The following GTPBP6 variants were observed in gnomAD, a reference collection of about 807,000 sequenced individuals.
GTPBP6 encodes putative GTP-binding protein 6.
A neutral mutation model predicts 28.9 loss-of-function variants in GTPBP6; 33 were observed. The observed-to-expected ratio is 1.14, with a 90% CI of 0.87 to 1.53. GTPBP6 has a LOEUF of 1.53. Ranked by LOEUF, GTPBP6 falls within the 40% of genes most tolerant of loss-of-function variation. The probability of loss-of-function intolerance (pLI) is 0.00; values close to 1 mark genes in which losing one functional copy is unlikely to be tolerated. For missense variants in GTPBP6, 507 were observed against 408.3 expected, an observed-to-expected ratio of 1.24 and a Z score of -2.08; for synonymous variants, 231 against 192.7, an observed-to-expected ratio of 1.20 and a Z score of -1.65.
At chrX:314,300 C>G in intron 4 of GTPBP6, 83 bp from the exon 5 acceptor site, 1 of 1,147,122 alleles carries the variant, frequency 8.7e-7, no homozygotes, top group Non-Finnish European at 1.3e-6. Flanking sequence ...GAAGGGGGCA[C>G]TGAGCTGGGC....
chrX:317,545 C>T (rs1465100986), intron 1 of GTPBP6, among the ~76,000 whole-genome samples: 1 of 110,162 alleles, frequency 9.1e-6, no homozygotes, highest in African/African-American at 5.2e-5. Flanking sequence ...TATTCATTTG[C>T]ATTTCCTCCT....
chrX:316,425 C>G (rs1219535879), intron 2 of GTPBP6, among the ~76,000 whole-genome samples: 3 of 151,982 alleles, frequency 2.0e-5, no homozygotes, highest in African/African-American at 7.2e-5. Context: ...AGCTGACCCC[C>G]ACCTGGGCAG....
intron 9 of GTPBP6, among the ~76,000 whole-genome samples, chrX:305,656 C>T (rs1401374964): frequency 2.1e-5 from 3 of 145,718 alleles, no homozygotes; most frequent in South Asian, 2.2e-4. Context: ...GACAGAGTCT[C>T]GCTCTGTCGC....
chrX:311,863 G>T (rs893482278), intron 6 of GTPBP6: 6 of 599,316 alleles, frequency 1.0e-5, no homozygotes, highest in African/African-American at 9.9e-5. Flanking sequence ...GGAGATGGTG[G>T]TGTGGACGGG....
chrX:305,076 A>G (rs371491296), exon 10 of GTPBP6: 153 of 1,612,940 alleles, frequency 9.5e-5, no homozygotes, highest in Middle Eastern at 3.3e-4. Context: ...GCGTCCGTTC[A>G]TCCTGGAAAG....
chrX:315,537 A>G (rs2070414252), intron 2 of GTPBP6, among the ~76,000 whole-genome samples: 1 of 115,502 alleles, frequency 8.7e-6, no homozygotes, highest in Non-Finnish European at 2.0e-5. Flanking sequence ...CAGGGACACA[A>G]ACACATACAC....
Position 311,854 on chromosome X carries a change from G to GC in GTPBP6, c.917-228_917-227insG. 1.2e-5 allele frequency: 7 copies of GC among 605,112 alleles called. No individual in the cohort carries two copies. In the Admixed American group the frequency reaches 1.4e-4, roughly 12 times the overall value. 37.5% of individuals were successfully genotyped at this position (605,112 alleles called of 1,614,324 possible). On this transcript the variant is annotated intron_variant, in intron 6 of 9. Coordinates refer to ENST00000326153, the Ensembl canonical transcript of GTPBP6. ...GCGGGGCCGCCGTGCGGACACGGGG[G>GC]AGATGGTGGTGTGGACGGGTGTGCG...
Position 314,134 on chromosome X carries a change from G to A in GTPBP6, c.757+16C>T, listed in dbSNP as rs766964661. ...TTCCGAGGACCCTCTGGGACGCCGCGCCCGGCCCGAGTTACCTGACCCCAT... is the reference window on the plus strand; with the variant it reads ...TTCCGAGGACCCTCTGGGACGCCGCACCCGGCCCGAGTTACCTGACCCCAT... On this transcript the variant is annotated intron_variant, in intron 5 of 9. Transcript: ENST00000326153. 8.0e-5 allele frequency: 128 copies of A among 1,604,824 alleles called. No homozygotes were observed. The highest frequency in any genetic ancestry group is 6.8e-4 in the South Asian group (62 of 90,814).
At chrX:311,671 C>A (rs746430693) in intron 6 of GTPBP6, 44 bp from the exon 7 acceptor site, 1 of 1,479,828 alleles carries the variant, frequency 6.8e-7, no homozygotes, top group South Asian at 1.1e-5. Flanking sequence ...ATCCCTGCGT[C>A]CCAACTCCTA....
intron 7 of GTPBP6, among the ~76,000 whole-genome samples, 186 bp downstream of exon 7, chrX:311,233 T>G (rs754919696): frequency 0.038 from 3,116 of 81,300 alleles, 285 homozygotes; most frequent in African/African-American, 0.13. Flanking sequence ...TGTGTCTGAG[T>G]GCCTGGTCCC....
rs780736368 is a variant in GTPBP6, at chrX:314,260, C to G, written c.690-43G>C. On this transcript the variant is annotated intron_variant, in intron 4 of 9. Coordinates refer to ENST00000326153, the Ensembl canonical transcript of GTPBP6. The stretch of plus-strand genomic sequence containing the variant: ...GTGGCTCGGTCTCTGCGGACGCTGT[C>G]TCCCTCCCGGCAGAGGTCGAGGTGA... The G allele has an allele frequency of 7.9e-6, 12 of 1,518,502 alleles. No individual in the cohort carries two copies. In the Admixed American group the frequency reaches 1.2e-4, roughly 15 times the overall value. 94.1% of individuals were successfully genotyped at this position (1,518,502 alleles called of 1,614,324 possible).
At chrX:307,087 A>C (rs1358925490) in intron 9 of GTPBP6, among the ~76,000 whole-genome samples, 2 of 151,774 alleles carry the variant, frequency 1.3e-5, no homozygotes, top group African/African-American at 4.9e-5. Flanking sequence ...CGTTGTATGC[A>C]GTCAGAAATG....
chrX:308,338 AAAAT>A (rs2070216455), intron 7 of GTPBP6, among the ~76,000 whole-genome samples: 1 of 152,204 alleles, frequency 6.6e-6, no homozygotes, highest in African/African-American at 2.4e-5. Context: ...CAGGGAAAAA[AAAAT>A]AAAGCCGTGT....
exon 7 of GTPBP6, chrX:311,561 G>A (rs1377752104): frequency 1.2e-6 from 2 of 1,612,170 alleles, no homozygotes; most frequent in East Asian, 4.5e-5. Context: ...GTCCAGCGTG[G>A]CAAACAGCTG....
intron 1 of GTPBP6, among the ~76,000 whole-genome samples, chrX:317,988 C>G (rs2070472128): frequency 6.7e-6 from 1 of 148,794 alleles, no homozygotes; most frequent in Non-Finnish European, 1.5e-5. Context: ...CCCTCAGAGC[C>G]CCGCCCCTCA....
chrX:307,455 G>A (rs373262362), exon 9 of GTPBP6: 3 of 1,611,844 alleles, frequency 1.9e-6, no homozygotes, highest in Non-Finnish European at 1.7e-6. Flanking sequence ...TCAGCTCCTG[G>A]AGCCCGTGGC....
chrX:318,507 C>G (rs1410942551), exon 1 of GTPBP6: 1 of 398,436 alleles, frequency 2.5e-6, no homozygotes, highest in Non-Finnish European at 4.4e-6. Context: ...GCGCTGGGTC[C>G]CCGCCGGCAG....
chrX:311,341 G>T, intron 7 of GTPBP6, 78 bp downstream of exon 7: 1 of 1,076,600 alleles, frequency 9.3e-7, no homozygotes, highest in Non-Finnish European at 1.4e-6. Flanking sequence ...CCCGACCCCT[G>T]GCTGTGTGTG....
At chrX:313,559 G>A (rs931744795) in intron 5 of GTPBP6, among the ~76,000 whole-genome samples, 5 of 152,168 alleles carry the variant, frequency 3.3e-5, no homozygotes, top group African/African-American at 1.2e-4. Context: ...ACTGGTCAAT[G>A]GGACCTTATT....
Sources: allele counts gnomAD v4.1 joint callset (sites outside exome capture counted in the v4.1 genomes callset), GRCh38; gene constraint gnomAD v4.1.1; transcripts MANE v1.5; gene names NCBI Gene and HGNC (gene_info 2026-07-23, HGNC 2026-07-21).